CADM1: variants seen among roughly 807,000 people sequenced by gnomAD.
CADM1 encodes TSLC-1.
Under a neutral mutation model 53.1 loss-of-function variants are expected in CADM1, and 15 were observed. That is an observed-to-expected ratio of 0.28 (90% CI 0.19 to 0.44). CADM1 has a LOEUF of 0.44. Among genes scored for constraint, CADM1 ranks in the 20% least tolerant of loss-of-function variants. The pLI is 1.00. For missense variants in CADM1, 434 were observed against 611.3 expected, an observed-to-expected ratio of 0.71 and a Z score of 3.06; for synonymous variants, 281 against 243.0, an observed-to-expected ratio of 1.16 and a Z score of -1.45.
At chr11:115,339,888 T>C (rs1945378914) in intron 1 of CADM1, 1 of 152,038 alleles carries the variant, frequency 6.6e-6, no homozygotes, top group African/African-American at 2.4e-5. Context: ...CCAACTGAGA[T>C]TCATAGTATT....
In CADM1 at chr11:115,206,755, C is replaced by CTTTTTTTTTTTTTTTT. The variant is rs1194703150; in HGVS notation, c.1078+2818_1078+2819insAAAAAAAAAAAAAAAA. ...CAGAAAAGAAATAGATGACTGTGGA[C>CTTTTTTTTTTTTTTTT]TTCTTTTTTTTTTTTTTTTTTTTTT... On this transcript the variant is annotated intron_variant, in intron 8 of 11. Transcript: ENST00000331581. 5.5e-4 allele frequency among the ~76,000 whole-genome samples: 3 copies of CTTTTTTTTTTTTTTTT among 5,426 alleles called. 1 individual carries two copies. The allele number at this position is 5,426 out of a possible 152,430, so 3.6% of individuals were successfully genotyped here. A position where few individuals can be genotyped will look rare whatever the true frequency, so the allele number is the denominator to read the frequency against.
At chr11:115,348,540 G>A (rs1945642953) in intron 1 of CADM1, among the ~76,000 whole-genome samples, 1 of 152,150 alleles carries the variant, frequency 6.6e-6, no homozygotes, top group African/African-American at 2.4e-5. Context: ...TTGAAGGCTT[G>A]CGGTAATAAT....
chr11:115,439,116 G>C (rs955164578), intron 1 of CADM1, among the ~76,000 whole-genome samples: 2 of 152,118 alleles, frequency 1.3e-5, no homozygotes, highest in African/African-American at 2.4e-5. Context: ...TGAAACATGC[G>C]ATCTGAGCCC....
At chr11:115,230,645 A>G (rs562260390) in intron 4 of CADM1, among the ~76,000 whole-genome samples, 9 of 152,314 alleles carry the variant, frequency 5.9e-5, no homozygotes, top group Admixed American at 3.3e-4. Flanking sequence ...CAGGACCCGA[A>G]CCCGGGATGG....
chr11:115,176,109 G>T lies in CADM1; in HGVS notation c.*365C>A. On this transcript the variant is annotated 3_prime_UTR_variant, in exon 12 of 12. Transcript: ENST00000331581. ...ATTTTGGAAAAAATCCGAAATTGGG[G>T]TAGAGGGAGGAAATAAATGTGCACA... 9.1e-7 allele frequency: 1 copy of T among 1,095,510 alleles called. No homozygotes were observed. Among genetic ancestry groups the T allele is most frequent in the Non-Finnish European group, 1.1e-6 (1 of 895,214 alleles). 67.9% of individuals were successfully genotyped at this position (1,095,510 alleles called of 1,614,324 possible).
chr11:115,494,020 G>T (rs1949554833), intron 1 of CADM1, among the ~76,000 whole-genome samples: 1 of 152,086 alleles, frequency 6.6e-6, no homozygotes, highest in South Asian at 2.1e-4. Flanking sequence ...TATTGCGTGT[G>T]CCCAGGAAAA....
chr11:115,175,822 G>C lies in CADM1; in HGVS notation c.*652C>G. The C allele has an allele frequency of 1.0e-6, 1 of 994,668 alleles. No individual in the cohort carries two copies. The highest frequency in any genetic ancestry group is 1.2e-6 in the Non-Finnish European group (1 of 835,500). The allele number at this position is 994,668 out of a possible 1,614,324, so 61.6% of individuals were successfully genotyped here. A position where few individuals can be genotyped will look rare whatever the true frequency, so the allele number is the denominator to read the frequency against. ...ACAGTCTAATTTTCTAGTCTTCACT[G>C]CTCTAAGTATTTGAAACATGGGCAG... On this transcript the variant is annotated 3_prime_UTR_variant, in exon 12 of 12. Coordinates refer to ENST00000331581, the MANE Select transcript of CADM1 (RefSeq NM_001301043.2).
chr11:115,319,231 A>G (rs1944757056), intron 1 of CADM1, among the ~76,000 whole-genome samples: 1 of 152,114 alleles, frequency 6.6e-6, no homozygotes. Context: ...CTTTAAGAGG[A>G]AGTGTTGCGT....
At chr11:115,240,467 A>G (rs1033782954) in intron 1 of CADM1, 47 bp from the exon 2 acceptor site, 1 of 1,600,030 alleles carries the variant, frequency 6.2e-7, no homozygotes, top group Admixed American at 1.7e-5. Context: ...CCATCAATTA[A>G]AATGTGATCA....
intron 1 of CADM1, among the ~76,000 whole-genome samples, chr11:115,349,570 T>C (rs1470578740): frequency 6.6e-6 from 1 of 152,224 alleles, no homozygotes; most frequent in Non-Finnish European, 1.5e-5. Flanking sequence ...GTATTTCAAA[T>C]CTGAAAGTCA....
intron 1 of CADM1, among the ~76,000 whole-genome samples, chr11:115,496,059 T>C (rs1273915761): frequency 6.6e-6 from 1 of 152,210 alleles, no homozygotes; most frequent in Non-Finnish European, 1.5e-5. Context: ...TTTCATGCTG[T>C]AGGAAATCCC....
At chr11:115,387,842 C>T (rs1459472801) in intron 1 of CADM1, among the ~76,000 whole-genome samples, 2 of 151,692 alleles carry the variant, frequency 1.3e-5, no homozygotes, top group Non-Finnish European at 2.9e-5. Flanking sequence ...TCAAATCTAC[C>T]CTGTTAGTAA....
chr11:115,295,829 C>T lies in CADM1; in HGVS notation c.125-55409G>A, dbSNP rs559079673. On this transcript the variant is annotated intron_variant, in intron 1 of 11. Coordinates refer to ENST00000331581, the MANE Select transcript of CADM1 (RefSeq NM_001301043.2). ...TCCTGTTTCTATGCTTTATCTAATG[C>T]TGGTCCTTCTATTTAGAATACCTTC... 8.5e-5 allele frequency among the ~76,000 whole-genome samples: 13 copies of T among 152,120 alleles called. No homozygotes were observed. The South Asian group carries it at 2.3e-3, about 27-fold the overall frequency.
chr11:115,437,369 C>T (rs1225376795), intron 1 of CADM1, among the ~76,000 whole-genome samples: 7 of 152,156 alleles, frequency 4.6e-5, no homozygotes, highest in Non-Finnish European at 7.4e-5. Context: ...GACATGAGTC[C>T]AATTCTCTCT....
chr11:115,386,095 T>C (rs1466570998), intron 1 of CADM1, among the ~76,000 whole-genome samples: 1 of 152,248 alleles, frequency 6.6e-6, no homozygotes, highest in African/African-American at 2.4e-5. Flanking sequence ...TCAAGATCTG[T>C]CCTAGAACAC....
intron 1 of CADM1, among the ~76,000 whole-genome samples, chr11:115,251,678 G>T (rs1942610332): frequency 6.6e-6 from 1 of 152,136 alleles, no homozygotes; most frequent in Non-Finnish European, 1.5e-5. Context: ...CATGACTAAG[G>T]CCCTTATTGC....
At position 115,443,142 on chromosome 11, in the gene CADM1, A is replaced by C. The variant is rs142571358; in HGVS notation, c.124+61129T>G. ...CAAATATTCTTGGGCTGGGAGCCAAAGGCTCCTGTGAATTACTAATTAGGT... is the reference window on the plus strand; with the variant it reads ...CAAATATTCTTGGGCTGGGAGCCAACGGCTCCTGTGAATTACTAATTAGGT... On this transcript the variant is annotated intron_variant, in intron 1 of 11. Coordinates refer to ENST00000331581, the MANE Select transcript of CADM1 (RefSeq NM_001301043.2). Among the ~76,000 whole-genome samples, 158 of 152,272 alleles carry C rather than the reference A, an allele frequency of 1.0e-3. 2 individuals are homozygous for C. The East Asian group carries it at 0.025, about 24-fold the overall frequency.
chr11:115,267,282 C>G (rs1405811745), intron 1 of CADM1, among the ~76,000 whole-genome samples: 4 of 152,220 alleles, frequency 2.6e-5, no homozygotes, highest in Non-Finnish European at 5.9e-5. Flanking sequence ...AATTATAGCT[C>G]AGACAAACTT....
chr11:115,273,485 TCAGA>T (rs1368368918), intron 1 of CADM1, among the ~76,000 whole-genome samples: 1 of 152,220 alleles, frequency 6.6e-6, no homozygotes, highest in East Asian at 1.9e-4. Flanking sequence ...CACCAATATT[TCAGA>T]CAGAGGGAAA....
Sources: allele counts gnomAD v4.1 joint callset (sites outside exome capture counted in the v4.1 genomes callset), GRCh38; gene constraint gnomAD v4.1.1; transcripts MANE v1.5; gene names NCBI Gene and HGNC (gene_info 2026-07-23, HGNC 2026-07-21).